DST: variants seen among roughly 807,000 people sequenced by gnomAD.
DST encodes bullous pemphigoid antigen.
DST carries 253 observed loss-of-function variants against 875.2 expected under a neutral mutation model. That is an observed-to-expected ratio of 0.29 (90% CI 0.26 to 0.32). The LOEUF (loss-of-function observed/expected upper bound fraction) is 0.32. Among genes scored for constraint, DST ranks in the 10% least tolerant of loss-of-function variants. DST has a pLI of 1.00. For synonymous variants in DST, 3,124 were observed against 3,197.1 expected, an observed-to-expected ratio of 0.98 and a Z score of 0.77; for missense variants, 8,287 against 9,111.6, an observed-to-expected ratio of 0.91 and a Z score of 3.68.
chr6:56,704,487 A>G (rs2099324918), intron 5 of DST, 118 bp from the exon 6 acceptor site: 1 of 521,210 alleles, frequency 1.9e-6, no homozygotes, highest in East Asian at 3.6e-5. Flanking sequence ...TCATGCACCT[A>G]TTTTTAAATT....
intron 3 of DST, among the ~76,000 whole-genome samples, chr6:56,864,249 C>A (rs181296627): frequency 6.6e-5 from 10 of 152,296 alleles, no homozygotes; most frequent in Admixed American, 5.9e-4. Flanking sequence ...TCCTGAATTT[C>A]TAGCCTGCTG....
rs73749927 is a variant in DST at position 56,473,186 on chromosome 6, C to T, written c.21994+687G>A. ...TCAGTTTGGTAAGTGTTGGAGACAG[C>T]CAAGGAGTCTGGCTATAGGGCTCTT... On this transcript the variant is annotated intron_variant, in intron 93 of 103. Transcript: ENST00000680361. Among the ~76,000 whole-genome samples, 1,476 of 152,252 alleles carry T rather than the reference C, an allele frequency of 9.7e-3. 25 individuals carry two copies. The highest frequency in any genetic ancestry group is 0.033 in the African/African-American group (1,365 of 41,550).
chr6:56,588,775 A>ACAGG (rs1256195824), intron 49 of DST, among the ~76,000 whole-genome samples: 1 of 152,232 alleles, frequency 6.6e-6, no homozygotes, highest in Non-Finnish European at 1.5e-5. Flanking sequence ...GAGATGACAT[A>ACAGG]CAGGCAGTCT....
intron 4 of DST, among the ~76,000 whole-genome samples, chr6:56,786,324 T>A (rs1564175558): frequency 6.6e-6 from 1 of 152,222 alleles, no homozygotes; most frequent in Non-Finnish European, 1.5e-5. Flanking sequence ...TTTGTTCTAT[T>A]AGCAGATAGT....
Position 56,603,574 on chromosome 6 carries a change from C to T in DST, c.10931G>A (p.Arg3644Lys). The stretch of plus-strand genomic sequence containing the variant: ...GTAGACAATTCTTACCTCCAACTGT[C>T]TAAGTTGATTCTTCAAAGCTTCCAA... ...NNLEALKNQL[R>K]QLETFELGLA... The change falls in exon 41 of 104, where the codon AGA becomes AAA. Residue 3644 changes from arginine to lysine, a missense_variant. This residue lies in a region of DST where 3,138 missense variants were observed against 3,116.6 expected (regional missense o/e 1.01). Transcript: ENST00000680361. 1 of 1,607,848 alleles carries T rather than the reference C, an allele frequency of 6.2e-7. No homozygotes were observed. Among genetic ancestry groups the T allele is most frequent in the South Asian group, 1.1e-5 (1 of 90,298 alleles).
rs764620103 is a variant in DST, at chr6:56,535,233, A to T, written c.16830T>A (p.Asp5610Glu). Residue 5610 changes from aspartate to glutamate, a missense_variant, in exon 63 of 104, where the codon GAT (aspartate) becomes GAA (glutamate). Physicochemically the swap from Asp to Glu is conservative, Grantham distance 45. Transcript: ENST00000680361. The part of the protein sequence containing the change: ...EALLHCGRFQ[D>E]ALESLLSWMV... The stretch of plus-strand genomic sequence containing the variant: ...TCCAGCTGAGCAGGGACTCCAGGGC[A>T]TCCTGGAACCTCCCACAGTGCAGCA... The T allele has an allele frequency of 1.2e-6, 2 of 1,612,772 alleles. No individual in the cohort carries two copies. Among genetic ancestry groups the T allele is most frequent in the Non-Finnish European group, 1.7e-6 (2 of 1,179,442 alleles).
At chr6:56,773,628 T>C (rs1432722845) in intron 4 of DST, among the ~76,000 whole-genome samples, 2 of 152,198 alleles carry the variant, frequency 1.3e-5, no homozygotes, top group Non-Finnish European at 2.9e-5. Context: ...ACTGCTGCCA[T>C]GTGAGTATGT....
intron 53 of DST, 59 bp from the exon 54 acceptor site, chr6:56,570,071 T>A: frequency 8.2e-7 from 1 of 1,218,630 alleles, no homozygotes; most frequent in South Asian, 1.5e-5. Context: ...AATAAATTAT[T>A]ATTCTCATGT....
At chr6:56,474,039 T>G in intron 92 of DST, 37 bp from the exon 93 acceptor site, 1 of 1,544,904 alleles carries the variant, frequency 6.5e-7, no homozygotes, top group East Asian at 2.4e-5. Context: ...AAATAAGAGT[T>G]ACTACAGAAA....
chr6:56,751,750 A>T lies in DST; in HGVS notation c.626-16461T>A, dbSNP rs1479694293. Among the ~76,000 whole-genome samples the T allele has an allele frequency of 2.6e-5, 4 of 152,130 alleles. No homozygotes were observed. The East Asian group carries it at 5.8e-4, about 22-fold the overall frequency. On this transcript the variant is annotated intron_variant, in intron 4 of 103. Transcript: ENST00000680361. Reference sequence around the variant, plus strand: ...TACGAAATTAAACTTAGAAACTAAAATTTTTTTCCATAATGAAGTAATTTC... The same window carrying T: ...TACGAAATTAAACTTAGAAACTAAATTTTTTTTCCATAATGAAGTAATTTC...
intron 47 of DST, among the ~76,000 whole-genome samples, chr6:56,597,408 C>A (rs2098402179): frequency 6.6e-6 from 1 of 152,034 alleles, no homozygotes; most frequent in Non-Finnish European, 1.5e-5. Flanking sequence ...AAAATAAAAA[C>A]CCCAAGGAGT....
intron 4 of DST, among the ~76,000 whole-genome samples, chr6:56,825,796 T>TCAC (rs556855303): frequency 1.1e-3 from 172 of 152,326 alleles, no homozygotes; most frequent in African/African-American, 4.0e-3. Flanking sequence ...CACACTGGGC[T>TCAC]CACCAGGTAA....
Position 56,611,578 on chromosome 6 carries a change from A to G in DST, c.5077T>C (p.Ser1693Pro), listed in dbSNP as rs763799764. The change falls in exon 38 of 104, where the codon TCA becomes CCA. Residue 1693 changes from serine (S) to proline (P), a missense_variant. Ser to Pro is a moderately conservative substitution (Grantham distance 74). Around this residue, in one of 10 missense-constraint regions of DST, gnomAD observed 3,138 missense variants for 3,116.6 expected, o/e 1.01. Transcript: ENST00000680361. ...SKQKISSEEI[S>P]TKKEQLSEAL... ...TCCGATAATTGTTCCTTCTTGGTTG[A>G]TATTTCCTCACTGGAAATCTGTAAG... The G allele has an allele frequency of 1.2e-5, 20 of 1,612,346 alleles. No homozygotes were observed. The Admixed American group carries it at 2.5e-4, about 20-fold the overall frequency.
intron 61 of DST, 124 bp from the exon 62 acceptor site, chr6:56,537,064 T>C (rs1011997393): frequency 3.2e-5 from 26 of 817,778 alleles, no homozygotes; most frequent in Non-Finnish European, 2.2e-5. Flanking sequence ...AAAGATAATT[T>C]TTATTGTCTA....
At chr6:56,701,609 T>C (rs1042797911) in intron 8 of DST, among the ~76,000 whole-genome samples, 1 of 152,212 alleles carries the variant, frequency 6.6e-6, no homozygotes, top group Non-Finnish European at 1.5e-5. Flanking sequence ...ATTAACTTCC[T>C]AGGCAAATGC....
At chr6:56,858,887 T>C (rs1207426322) in intron 3 of DST, among the ~76,000 whole-genome samples, 1 of 152,226 alleles carries the variant, frequency 6.6e-6, no homozygotes, top group Non-Finnish European at 1.5e-5. Context: ...TTAGGGATAT[T>C]AAGTAACTTG....
intron 2 of DST, among the ~76,000 whole-genome samples, chr6:56,913,679 G>GA (rs1799688256): frequency 6.6e-6 from 1 of 152,188 alleles, no homozygotes; most frequent in Admixed American, 6.5e-5. Flanking sequence ...AACACAGACT[G>GA]AAAAATAATT....
Position 56,561,336 on chromosome 6 carries a change from G to A in DST, c.14282C>T (p.Ala4761Val). ...QQTPAPTDTE[A>V]VKTQVEQNKS... ...ATTCTGCTCAACTTGAGTCTTCACA[G>A]CTTCAGTATCTGTAGGTGCAGGTGT... is the stretch of plus-strand genomic sequence containing the variant. The change falls in exon 57 of 104, where the codon GCT (alanine) becomes GTT (valine). Residue 4761 changes from alanine (A) to valine (V), a missense_variant. Ala to Val is a moderately conservative substitution (Grantham distance 64, BLOSUM62 0). Transcript: ENST00000680361. 3 of 1,613,512 alleles carry A rather than the reference G, an allele frequency of 1.9e-6. No individual in the cohort carries two copies. The highest frequency in any genetic ancestry group is 2.5e-6 in the Non-Finnish European group (3 of 1,179,640).
chr6:56,459,356 CT>C (rs1164281296), intron 103 of DST, 89 bp from the exon 104 acceptor site: 24 of 1,392,992 alleles, frequency 1.7e-5, no homozygotes, highest in Non-Finnish European at 1.8e-5. Context: ...TTAATCTTAA[CT>C]TTTTTTCCTG....
Sources: allele counts gnomAD v4.1 joint callset (sites outside exome capture counted in the v4.1 genomes callset), GRCh38; gene constraint gnomAD v4.1.1; regional missense constraint gnomAD v4.1.1; transcripts MANE v1.5; gene names NCBI Gene and HGNC (gene_info 2026-07-23, HGNC 2026-07-21).